Variants in GRIK2 observed in about 807,000 individuals in gnomAD.
The protein encoded by GRIK2 is glutamate receptor ionotropic, kainate 2.
GRIK2 carries 32 observed loss-of-function variants against 100.3 expected under a neutral mutation model. That is an observed-to-expected ratio of 0.32 (90% CI 0.24 to 0.43). The LOEUF is 0.43. GRIK2 is among the 20% of genes least tolerant of loss of function. The probability of loss-of-function intolerance (pLI) is 1.00; values close to 1 mark genes in which losing one functional copy is unlikely to be tolerated. For missense variants in GRIK2, 843 were observed against 1,114.9 expected, an observed-to-expected ratio of 0.76 and a Z score of 3.47; for synonymous variants, 417 against 389.4, an observed-to-expected ratio of 1.07 and a Z score of -0.83.
In GRIK2 at chr6:101,467,071, C is replaced by T. The variant is rs372806065; in HGVS notation, c.115+67679C>T. Among the ~76,000 whole-genome samples the T allele has an allele frequency of 5.9e-4, 90 of 152,238 alleles. 1 individual carries two copies. In the East Asian group the frequency reaches 0.013, roughly 22 times the overall value. On this transcript the variant is annotated intron_variant, in intron 2 of 16. Transcript: ENST00000369134. The stretch of plus-strand genomic sequence containing the variant: ...CATTCATTTTTGGTTTGGCCAATCT[C>T]ATACCACAAGACATATTTTATACCC...
At chr6:102,023,268 T>A (rs965590718) in intron 14 of GRIK2, among the ~76,000 whole-genome samples, 44 of 151,338 alleles carry the variant, frequency 2.9e-4, no homozygotes, top group African/African-American at 1.0e-3. Flanking sequence ...GTGGAAAGTA[T>A]GTTAACTAGA....
At chr6:101,864,877 T>C (rs1784955201) in intron 11 of GRIK2, among the ~76,000 whole-genome samples, 1 of 152,154 alleles carries the variant, frequency 6.6e-6, no homozygotes, top group Non-Finnish European at 1.5e-5. Flanking sequence ...CTTTACCCCA[T>C]TAGAATTGTG....
Position 101,909,377 on chromosome 6 carries a change from TTTTTC to T in GRIK2, c.1749-15219_1749-15215del, listed in dbSNP as rs1562480917. Among the ~76,000 whole-genome samples, 232 of 116,208 alleles carry T rather than the reference TTTTTC, an allele frequency of 2.0e-3. 21 individuals are homozygous for T. The highest frequency in any genetic ancestry group is 7.0e-3 in the African/African-American group (224 of 32,144). 76.2% of individuals were successfully genotyped at this position (116,208 alleles called of 152,430 possible). A position where few individuals can be genotyped will look rare whatever the true frequency, so the allele number is the denominator to read the frequency against. Reference sequence around the variant, plus strand: ...GATGCTGAAGGAAGATAGGGTTTTCTTTTTCTTTTTTTTTTTTTTAAAGATCATTT... The same window carrying T: ...GATGCTGAAGGAAGATAGGGTTTTCTTTTTTTTTTTTTTTAAAGATCATTT... On this transcript the variant is annotated intron_variant, in intron 12 of 16. Coordinates refer to ENST00000369134, the MANE Select transcript of GRIK2 (RefSeq NM_021956.5).
chr6:102,004,842 C>A (rs1371976938), intron 14 of GRIK2, among the ~76,000 whole-genome samples: 1 of 151,740 alleles, frequency 6.6e-6, no homozygotes, highest in Non-Finnish European at 1.5e-5. Context: ...TGCCCCCCCA[C>A]CACCTTTCTC....
chr6:101,666,378 T>C (rs1245369682), intron 4 of GRIK2, among the ~76,000 whole-genome samples: 3 of 152,198 alleles, frequency 2.0e-5, no homozygotes, highest in African/African-American at 7.2e-5. Context: ...TTGAATGTCT[T>C]AAGTGTTTAT....
At chr6:101,741,452 T>A (rs911205010) in intron 7 of GRIK2, among the ~76,000 whole-genome samples, 28 of 152,218 alleles carry the variant, frequency 1.8e-4, no homozygotes, top group African/African-American at 6.3e-4. Flanking sequence ...TAAAAGACAG[T>A]GTTTATGTAT....
chr6:101,858,368 C>G (rs188710344), intron 10 of GRIK2, among the ~76,000 whole-genome samples: 81 of 143,412 alleles, frequency 5.6e-4, no homozygotes, highest in Admixed American at 9.6e-4. Flanking sequence ...CTTCCTCTCT[C>G]TCTCTCTATT....
chr6:101,636,339 G>A (rs1444387303), intron 4 of GRIK2, among the ~76,000 whole-genome samples: 2 of 152,026 alleles, frequency 1.3e-5, no homozygotes, highest in Non-Finnish European at 2.9e-5. Flanking sequence ...ATCACACACT[G>A]GGGCCTGTCA....
chr6:101,790,190 C>A (rs982635659), intron 7 of GRIK2, among the ~76,000 whole-genome samples: 1 of 151,898 alleles, frequency 6.6e-6, no homozygotes, highest in African/African-American at 2.4e-5. Flanking sequence ...TAATTGAATA[C>A]CCTTTATTTC....
chr6:101,581,128 G>A lies in GRIK2; in HGVS notation c.116-40821G>A, dbSNP rs144644708. Reference sequence around the variant, plus strand: ...CCAGCACACATTAGGCATGTGTTACGTTTCTCCAGAGGGACAGAATTAATA... The same window carrying A: ...CCAGCACACATTAGGCATGTGTTACATTTCTCCAGAGGGACAGAATTAATA... On this transcript the variant is annotated intron_variant, in intron 2 of 16. Transcript: ENST00000369134. Among the ~76,000 whole-genome samples the A allele has an allele frequency of 4.7e-3, 711 of 151,222 alleles. 1 individual carries two copies. The highest frequency in any genetic ancestry group is 0.014 in the African/African-American group (578 of 41,162).
chr6:101,667,804 C>T (rs1219306472), intron 4 of GRIK2, among the ~76,000 whole-genome samples: 1 of 152,004 alleles, frequency 6.6e-6, no homozygotes, highest in Admixed American at 6.6e-5. Flanking sequence ...ATGGGGATAA[C>T]CATTATATAA....
intron 2 of GRIK2, among the ~76,000 whole-genome samples, chr6:101,429,863 T>C (rs150009747): frequency 6.6e-6 from 1 of 152,164 alleles, no homozygotes; most frequent in East Asian, 1.9e-4. Flanking sequence ...ATGAATAAAT[T>C]TACAGGTATT....
chr6:101,721,002 G>A (rs1262916537), intron 7 of GRIK2, among the ~76,000 whole-genome samples: 1 of 152,010 alleles, frequency 6.6e-6, no homozygotes, highest in African/African-American at 2.4e-5. Flanking sequence ...GCAAGCTGGC[G>A]ATTAAGCATA....
chr6:101,748,202 ATTTC>A (rs1305372201), intron 7 of GRIK2, among the ~76,000 whole-genome samples: 1 of 152,180 alleles, frequency 6.6e-6, no homozygotes, highest in Non-Finnish European at 1.5e-5. Flanking sequence ...AGAATAAGCT[ATTTC>A]TTATTCTGGA....
chr6:101,738,710 TG>T (rs1228212643), intron 7 of GRIK2, among the ~76,000 whole-genome samples: 1 of 152,160 alleles, frequency 6.6e-6, no homozygotes, highest in East Asian at 1.9e-4. Context: ...CTCTTTGCTG[TG>T]GGGGACTGTC....
intron 14 of GRIK2, among the ~76,000 whole-genome samples, chr6:101,953,749 T>G (rs1791742833): frequency 6.6e-6 from 1 of 152,174 alleles, no homozygotes; most frequent in Non-Finnish European, 1.5e-5. Context: ...ATACAAAAGC[T>G]TTTACTATTA....
At chr6:101,675,439 A>C (rs1441478312) in intron 4 of GRIK2, among the ~76,000 whole-genome samples, 1 of 152,212 alleles carries the variant, frequency 6.6e-6, no homozygotes, top group East Asian at 1.9e-4. Flanking sequence ...GGGAAAATAG[A>C]AATAGATACT....
intron 16 of GRIK2, among the ~76,000 whole-genome samples, chr6:102,060,951 T>G (rs1279483636): frequency 6.6e-6 from 1 of 150,652 alleles, no homozygotes; most frequent in African/African-American, 2.4e-5. Flanking sequence ...TAAATAAACT[T>G]TGGACAAATG....
intron 14 of GRIK2, among the ~76,000 whole-genome samples, chr6:101,947,841 G>C (rs1417165): frequency 0.043 from 6,605 of 152,122 alleles, 485 homozygotes; most frequent in African/African-American, 0.15. Context: ...CACCTACATC[G>C]ACACTTTATC....
Sources: gnomAD v4.1 joint callset for allele counts (sites outside exome capture counted in the v4.1 genomes callset) on GRCh38, gnomAD v4.1.1 for gene constraint, MANE v1.5 for transcripts, NCBI Gene and HGNC (gene_info 2026-07-23, HGNC 2026-07-21) for gene names.